MITF: variants seen among roughly 807,000 people sequenced by gnomAD.
MITF encodes microphthalmia-associated transcription factor.
MITF carries 17 observed loss-of-function variants against 60.5 expected under a neutral mutation model. That is an observed-to-expected ratio of 0.28 (90% CI 0.19 to 0.42). The LOEUF is 0.42. Among genes scored for constraint, MITF ranks in the 10% least tolerant of loss-of-function variants. The pLI, the probability that MITF is intolerant of heterozygous loss-of-function variation, is 1.00. For synonymous variants in MITF, 260 were observed against 248.5 expected, an observed-to-expected ratio of 1.05 and a Z score of -0.43; for missense variants, 622 against 683.5, an observed-to-expected ratio of 0.91 and a Z score of 1.00.
intron 2 of MITF, among the ~76,000 whole-genome samples, chr3:69,928,559 G>T (rs1361947999): frequency 1.3e-5 from 2 of 152,172 alleles, no homozygotes; most frequent in African/African-American, 4.8e-5. Flanking sequence ...CATTGAAAGG[G>T]AGAAGCTACT....
intron 1 of MITF, chr3:69,752,267 A>G (rs956689177): frequency 2.6e-5 from 4 of 152,410 alleles, no homozygotes; most frequent in South Asian, 4.1e-4. Context: ...TGTGGAAGCA[A>G]CTTTGGAATT....
rs370915282 is a variant in MITF, at chr3:69,889,669, C to A, written c.354+10286C>A. ...ATATTTTATACCTCCAGCACATCCC[C>A]AATTTGGACACTAAATTTTCATCAG... On this transcript the variant is annotated intron_variant, in intron 2 of 9. Transcript: ENST00000352241. Among the ~76,000 whole-genome samples the A allele has an allele frequency of 1.5e-4, 23 of 152,118 alleles. 1 individual carries two copies. In the East Asian group the frequency reaches 2.1e-3, roughly 14 times the overall value.
intron 1 of MITF, among the ~76,000 whole-genome samples, chr3:69,810,302 T>C (rs1330298774): frequency 6.6e-6 from 1 of 152,188 alleles, no homozygotes; most frequent in African/African-American, 2.4e-5. Context: ...CAAAGCGTTG[T>C]GTCATATTTT....
intron 8 of MITF, among the ~76,000 whole-genome samples, chr3:69,957,538 C>T (rs1365886544): frequency 3.3e-5 from 5 of 152,286 alleles, no homozygotes; most frequent in East Asian, 3.9e-4. Context: ...TTTTCAAACC[C>T]GAAACATTTC....
chr3:69,951,239 G>A (rs1196444913), intron 6 of MITF, among the ~76,000 whole-genome samples: 1 of 151,532 alleles, frequency 6.6e-6, no homozygotes, highest in Non-Finnish European at 1.5e-5. Flanking sequence ...GGGACTGCAA[G>A]CATGCACCAC....
chr3:69,925,144 G>T (rs1326354734), intron 2 of MITF, among the ~76,000 whole-genome samples: 4 of 152,080 alleles, frequency 2.6e-5, no homozygotes, highest in African/African-American at 9.7e-5. Context: ...TATGTGCCAA[G>T]TACTTTTCAT....
intron 2 of MITF, among the ~76,000 whole-genome samples, chr3:69,914,287 A>G (rs2065286140): frequency 6.6e-6 from 1 of 151,980 alleles, no homozygotes; most frequent in Non-Finnish European, 1.5e-5. Flanking sequence ...ACAACTGGCT[A>G]ATTTTTGTAT....
At chr3:69,851,748 C>G (rs905619886) in intron 1 of MITF, among the ~76,000 whole-genome samples, 1 of 152,056 alleles carries the variant, frequency 6.6e-6, no homozygotes, top group Non-Finnish European at 1.5e-5. Context: ...TGACATGGCT[C>G]TGTGCATCTC....
intron 3 of MITF, 184 bp from the exon 4 acceptor site, chr3:69,938,914 T>C: frequency 1.4e-6 from 2 of 1,475,308 alleles, no homozygotes; most frequent in Non-Finnish European, 1.8e-6. Flanking sequence ...TCTACCCAAA[T>C]TTGTCATCTA....
intron 1 of MITF, among the ~76,000 whole-genome samples, chr3:69,749,803 CTGCATCT>C (rs1282799765): frequency 6.6e-6 from 1 of 152,196 alleles, no homozygotes; most frequent in Non-Finnish European, 1.5e-5. Context: ...CTTTTTGGAA[CTGCATCT>C]TGTATCATCT....
chr3:69,873,226 G>A (rs927742030), intron 1 of MITF, among the ~76,000 whole-genome samples: 4 of 152,080 alleles, frequency 2.6e-5, no homozygotes, highest in African/African-American at 9.7e-5. Context: ...TACGAGGGAT[G>A]ATATAGTTTC....
chr3:69,818,245 T>TC (rs1399543129), intron 1 of MITF, among the ~76,000 whole-genome samples: 1 of 152,204 alleles, frequency 6.6e-6, no homozygotes, highest in African/African-American at 2.4e-5. Context: ...CTTCCCCTTT[T>TC]CCCCTGTTGC....
chr3:69,943,072 CTTT>C (rs781031439), intron 5 of MITF, among the ~76,000 whole-genome samples: 7 of 124,878 alleles, frequency 5.6e-5, no homozygotes, highest in Admixed American at 1.6e-4. Flanking sequence ...TTAGCCTCCT[CTTT>C]TTTTTTTTTT....
chr3:69,844,440 C>A (rs1254685446), intron 1 of MITF, among the ~76,000 whole-genome samples: 2 of 152,020 alleles, frequency 1.3e-5, no homozygotes, highest in Admixed American at 1.3e-4. Context: ...GAAACTGGAC[C>A]CCTTCCTTAT....
intron 1 of MITF, among the ~76,000 whole-genome samples, chr3:69,815,731 T>C (rs1282682835): frequency 6.6e-6 from 1 of 152,174 alleles, no homozygotes; most frequent in Non-Finnish European, 1.5e-5. Context: ...TTGGCATCCC[T>C]AACCCCTACA....
chr3:69,903,984 C>T (rs1449408168), intron 2 of MITF, among the ~76,000 whole-genome samples: 3 of 152,084 alleles, frequency 2.0e-5, no homozygotes, highest in African/African-American at 4.8e-5. Context: ...AGATAATGCT[C>T]ATGCATCAAA....
chr3:69,872,303 G>A (rs990892640), intron 1 of MITF, among the ~76,000 whole-genome samples: 3 of 151,896 alleles, frequency 2.0e-5, no homozygotes, highest in Admixed American at 2.0e-4. Flanking sequence ...GTATACATAA[G>A]TGAGACACAC....
intron 1 of MITF, among the ~76,000 whole-genome samples, chr3:69,799,443 G>T (rs2062881893): frequency 6.6e-6 from 1 of 152,168 alleles, no homozygotes; most frequent in Non-Finnish European, 1.5e-5. Flanking sequence ...TTTAAGCATT[G>T]TCACATTGGC....
intron 1 of MITF, among the ~76,000 whole-genome samples, chr3:69,819,497 A>G (rs907673294): frequency 1.3e-5 from 2 of 152,228 alleles, no homozygotes; most frequent in Non-Finnish European, 2.9e-5. Context: ...GCTGTGCCAG[A>G]GAGCAGAGAC....
Sources: allele counts gnomAD v4.1 joint callset (sites outside exome capture counted in the v4.1 genomes callset), GRCh38; gene constraint gnomAD v4.1.1; transcripts MANE v1.5; gene names NCBI Gene and HGNC (gene_info 2026-07-23, HGNC 2026-07-21).